Variants in CDKL1 observed in about 807,000 individuals in gnomAD.
CDKL1 encodes the protein cyclin dependent kinase like 1, also known as cyclin-dependent kinase-like 1.
In CDKL1, 41 loss-of-function variants were observed where a neutral mutation model predicts 42.0. The ratio of observed to expected loss-of-function variants is 0.98; its 90% confidence interval spans 0.76 to 1.27. The LOEUF is 1.27. CDKL1 is among the 50% of genes most tolerant of loss of function. The pLI, the probability that CDKL1 is intolerant of heterozygous loss-of-function variation, is 0.00. For synonymous variants in CDKL1, 153 were observed against 158.6 expected, an observed-to-expected ratio of 0.96 and a Z score of 0.26; for missense variants, 394 against 428.4, an observed-to-expected ratio of 0.92 and a Z score of 0.71.
Position 50,329,062 on chromosome 14 carries a change from T to TATATATATATAC in CDKL1, c.*1011_*1012insGTATATATATAT, listed in dbSNP as rs1392069305. ...ATATATATATATATATATATATATA[T>TATATATATATAC]ACATACACATACATACACATACAAA... On this transcript the variant is annotated 3_prime_UTR_variant, in exon 10 of 10. Transcript: ENST00000395834. 1 of 143,980 alleles carries TATATATATATAC rather than the reference T, an allele frequency of 6.9e-6. No homozygotes were observed. The highest frequency in any genetic ancestry group is 7.0e-5 in the Admixed American group (1 of 14,372). 8.9% of individuals were successfully genotyped at this position (143,980 alleles called of 1,614,324 possible). A position where few individuals can be genotyped will look rare whatever the true frequency, so the allele number is the denominator to read the frequency against.
intron 2 of CDKL1, among the ~76,000 whole-genome samples, chr14:50,367,603 C>T (rs932185304): frequency 6.6e-6 from 1 of 152,212 alleles, no homozygotes; most frequent in African/African-American, 2.4e-5. Flanking sequence ...CTGTTACAGG[C>T]TTACCCAACA....
intron 3 of CDKL1, among the ~76,000 whole-genome samples, chr14:50,346,651 G>GT (rs375954757): frequency 0.19 from 23,379 of 123,240 alleles, 2,976 homozygotes; most frequent in East Asian, 0.5. Flanking sequence ...TTAAATTTTT[G>GT]GTTTTTTTTT....
chr14:50,393,381 C>G (rs1450947547), intron 2 of CDKL1, among the ~76,000 whole-genome samples: 1 of 152,218 alleles, frequency 6.6e-6, no homozygotes, highest in Non-Finnish European at 1.5e-5. Flanking sequence ...TTAGGCACAA[C>G]TGGGGCTCTA....
At chr14:50,363,972 CA>C (rs1335241708) in intron 2 of CDKL1, 1 of 152,380 alleles carries the variant, frequency 6.6e-6, no homozygotes, top group East Asian at 1.9e-4. Context: ...GCCCCACCTC[CA>C]GATGTTACTT....
intron 1 of CDKL1, 137 bp from the exon 2 acceptor site, chr14:50,396,466 A>G: frequency 1.0e-6 from 1 of 984,736 alleles, no homozygotes; most frequent in South Asian, 4.7e-5. Context: ...CCTGTAAGTT[A>G]AAATGTAACT....
intron 2 of CDKL1, among the ~76,000 whole-genome samples, chr14:50,384,181 T>G (rs1253095740): frequency 6.6e-6 from 1 of 152,172 alleles, no homozygotes; most frequent in African/African-American, 2.4e-5. Flanking sequence ...CCAGCATCTA[T>G]CTATACATTA....
chr14:50,357,032 C>T (rs551712171), intron 3 of CDKL1: 2 of 152,302 alleles, frequency 1.3e-5, no homozygotes, highest in Non-Finnish European at 2.9e-5. Context: ...AATCAAATTC[C>T]CTGTAACATC....
intron 3 of CDKL1, among the ~76,000 whole-genome samples, chr14:50,352,661 A>G (rs2033937729): frequency 6.6e-6 from 1 of 152,226 alleles, no homozygotes; most frequent in African/African-American, 2.4e-5. Context: ...GTTGAGGGGA[A>G]AAACAGCCAT....
chr14:50,348,096 C>G (rs2033786215), intron 3 of CDKL1, among the ~76,000 whole-genome samples: 1 of 152,150 alleles, frequency 6.6e-6, no homozygotes, highest in Non-Finnish European at 1.5e-5. Context: ...GAGATAACAG[C>G]AACACAATGT....
Position 50,326,530 on chromosome 14 carries a change from A to G in CDKL1, c.*3544T>C. The G allele has an allele frequency of 2.0e-6, 2 of 985,436 alleles. No individual in the cohort carries two copies. Among genetic ancestry groups the G allele is most frequent in the Non-Finnish European group, 2.4e-6 (2 of 829,932 alleles). 61.0% of individuals were successfully genotyped at this position (985,436 alleles called of 1,614,324 possible). A position where few individuals can be genotyped will look rare whatever the true frequency, so the allele number is the denominator to read the frequency against. ...CATTGCTTCAACAGGATTTGCGTGC[A>G]TTTCCCATGATCCTGCATTCTTGTG... On this transcript the variant is annotated 3_prime_UTR_variant, in exon 10 of 10. Transcript: ENST00000395834.
intron 7 of CDKL1, among the ~76,000 whole-genome samples, chr14:50,337,993 G>A (rs574444905): frequency 6.6e-6 from 1 of 152,116 alleles, no homozygotes; most frequent in Non-Finnish European, 1.5e-5. Flanking sequence ...TTGTAAGGAT[G>A]TACCATACAT....
rs1305958844 is a variant in CDKL1, at chr14:50,394,976, A to C, written c.168+725T>G. Among the ~76,000 whole-genome samples the C allele has an allele frequency of 2.6e-5, 4 of 152,300 alleles. No individual in the cohort carries two copies. In the East Asian group the frequency reaches 7.7e-4, roughly 29 times the overall value. ...ACATAGCAAGATCCCATCTCTAAAAAATGTTAAAAAAAATTAGAAAGTGAT... is the reference window on the plus strand; with the variant it reads ...ACATAGCAAGATCCCATCTCTAAAACATGTTAAAAAAAATTAGAAAGTGAT... On this transcript the variant is annotated intron_variant, in intron 2 of 9. Coordinates refer to ENST00000395834, the MANE Select transcript of CDKL1 (RefSeq NM_004196.7).
At chr14:50,332,584 C>T (rs2033017760) in intron 8 of CDKL1, 152 bp from the exon 9 acceptor site, 7 of 1,482,112 alleles carry the variant, frequency 4.7e-6, no homozygotes, top group Middle Eastern at 1.7e-4. Context: ...TAGTTCCTTC[C>T]AGTCATTCCT....
chr14:50,377,087 C>T lies in CDKL1; in HGVS notation c.169-17938G>A, dbSNP rs114393693. On this transcript the variant is annotated intron_variant, in intron 2 of 9. Coordinates refer to ENST00000395834, the MANE Select transcript of CDKL1 (RefSeq NM_004196.7). Reference sequence around the variant, plus strand: ...ACAGCAAGGAGGTCAGTGTTTTAGTCGCCTCTTTTGTCTTGTTTCCCATTC... The same window carrying T: ...ACAGCAAGGAGGTCAGTGTTTTAGTTGCCTCTTTTGTCTTGTTTCCCATTC... Among the ~76,000 whole-genome samples the T allele has an allele frequency of 2.1e-3, 320 of 152,290 alleles. 4 individuals carry two copies. The highest frequency in any genetic ancestry group is 7.1e-3 in the African/African-American group (293 of 41,554).
chr14:50,377,759 A>G, intron 2 of CDKL1: 1 of 1,197,262 alleles, frequency 8.4e-7, no homozygotes. Flanking sequence ...GTATGCGGCA[A>G]TGGTCATTAT....
chr14:50,392,002 G>A (rs1439034272), intron 2 of CDKL1, among the ~76,000 whole-genome samples: 1 of 152,130 alleles, frequency 6.6e-6, no homozygotes, highest in Non-Finnish European at 1.5e-5. Context: ...CCTTGCTGAT[G>A]AAGGTTTCAT....
At chr14:50,389,793 G>A (rs1239750470) in intron 2 of CDKL1, among the ~76,000 whole-genome samples, 1 of 152,124 alleles carries the variant, frequency 6.6e-6, no homozygotes, top group Non-Finnish European at 1.5e-5. Context: ...GCGGGAGAAC[G>A]GGCAGTATAA....
chr14:50,334,784 A>G (rs2033162285), intron 7 of CDKL1, 163 bp from the exon 8 acceptor site: 1 of 572,122 alleles, frequency 1.7e-6, no homozygotes, highest in South Asian at 2.3e-5. Flanking sequence ...TGCCTTTTTC[A>G]CAAGCTTTCT....
chr14:50,330,286 T>A (rs1299357557), intron 9 of CDKL1, 105 bp from the exon 10 acceptor site: 6 of 1,403,646 alleles, frequency 4.3e-6, no homozygotes, highest in Non-Finnish European at 5.6e-6. Context: ...AGTATAGAAG[T>A]ACTTTTTTTG....
Sources: gnomAD v4.1 joint callset for allele counts (sites outside exome capture counted in the v4.1 genomes callset) on GRCh38, gnomAD v4.1.1 for gene constraint, MANE v1.5 for transcripts, NCBI Gene and HGNC (gene_info 2026-07-23, HGNC 2026-07-21) for gene names.